The following ZNF536 variants were observed in gnomAD, a reference collection of about 807,000 sequenced individuals.
The protein encoded by ZNF536 is zinc finger protein 536.
In ZNF536, 13 loss-of-function variants were observed where a neutral mutation model predicts 84.5. That is an observed-to-expected ratio of 0.15 (90% CI 0.10 to 0.24). The LOEUF (loss-of-function observed/expected upper bound fraction) is 0.24, where lower values mean the gene tolerates loss of function less well. ZNF536 is among the 10% of genes least tolerant of loss of function. The probability of loss-of-function intolerance (pLI) is 1.00; values close to 1 mark genes in which losing one functional copy is unlikely to be tolerated. For missense variants in ZNF536, 1,536 were observed against 1,747.5 expected (o/e 0.88, Z 2.16); for synonymous variants, 811 against 742.5 (o/e 1.09, Z -1.50).
At chr19:30,334,192 T>C (rs2047306007) in intron 2 of ZNF536, among the ~76,000 whole-genome samples, 1 of 152,240 alleles carries the variant, frequency 6.6e-6, no homozygotes, top group Non-Finnish European at 1.5e-5. Flanking sequence ...TAGAACATTC[T>C]CTTTCCTGCA....
At position 30,445,271 on chromosome 19, in the gene ZNF536, G is replaced by A. The variant is rs201947801; in HGVS notation, c.1709G>A (p.Gly570Glu). Residue 570 changes from glycine (G) to glutamate (E), a missense_variant, in exon 2 of 5, where the codon GGA becomes GAA. Gly to Glu is a moderately conservative substitution (Grantham distance 98, BLOSUM62 -2). This residue lies in a region of ZNF536 where 366 missense variants were observed against 364.4 expected (regional missense o/e 1.00). Transcript: ENST00000355537. This position sits in a 1 kb window ranked among gnomAD's most constrained non-coding sequence, Gnocchi z 4.5. ...GAGAAGCGGGAGTACGTGTTAGTGG[G>A]AGCAGATGGCTCCAAGCAGAAAATG... is the stretch of plus-strand genomic sequence containing the variant. ...DKEKREYVLVGADGSKQKMPA... is the reference protein window; with the variant it reads ...DKEKREYVLVEADGSKQKMPA... 1.2e-6 allele frequency: 2 copies of A among 1,614,202 alleles called. No individual in the cohort carries two copies. The highest frequency in any genetic ancestry group is 1.3e-5 in the African/African-American group (1 of 75,048).
intron 1 of ZNF536, among the ~76,000 whole-genome samples, chr19:30,377,977 T>C (rs758998006): frequency 1.5e-4 from 23 of 152,168 alleles, no homozygotes; most frequent in Admixed American, 1.2e-3. Context: ...CTCCAGCTGC[T>C]GGGAGTCTAA....
At chr19:30,451,605 A>G (rs1568445468) in intron 2 of ZNF536, among the ~76,000 whole-genome samples, 1 of 152,176 alleles carries the variant, frequency 6.6e-6, no homozygotes, top group Admixed American at 6.5e-5. Flanking sequence ...GTGTGGCATA[A>G]AATTGCAGAG....
chr19:30,252,083 C>T (rs936811161), intron 1 of ZNF536, among the ~76,000 whole-genome samples: 1 of 152,198 alleles, frequency 6.6e-6, no homozygotes, highest in East Asian at 1.9e-4. Context: ...ACAATGAACT[C>T]AAACAAATTA....
At chr19:30,671,024 A>G (rs1162810774) in intron 1 of ZNF536, among the ~76,000 whole-genome samples, 1 of 150,958 alleles carries the variant, frequency 6.6e-6, no homozygotes. Flanking sequence ...TCTCTTTCTC[A>G]TTCAATCATT....
intron 1 of ZNF536, among the ~76,000 whole-genome samples, chr19:30,373,471 C>T (rs1009808865): frequency 6.6e-5 from 10 of 151,728 alleles, no homozygotes; most frequent in African/African-American, 2.4e-4. Flanking sequence ...AAATAAAATG[C>T]AGCCTGTCAA....
chr19:30,258,289 C>T (rs539506247), intron 1 of ZNF536, among the ~76,000 whole-genome samples: 1 of 152,194 alleles, frequency 6.6e-6, no homozygotes, highest in South Asian at 2.1e-4. Context: ...GACACTAAAG[C>T]TGAAACTAGC....
chr19:30,658,033 T>A (rs1568643822), intron 1 of ZNF536, among the ~76,000 whole-genome samples: 1 of 150,454 alleles, frequency 6.6e-6, no homozygotes, highest in Non-Finnish European at 1.5e-5. Context: ...CCCCCCTTTT[T>A]TTTCCTTCAG....
At chr19:30,592,614 T>A (rs2047313923) in intron 1 of ZNF536, among the ~76,000 whole-genome samples, 1 of 152,116 alleles carries the variant, frequency 6.6e-6, no homozygotes, top group South Asian at 2.1e-4. Flanking sequence ...CATTCCATAA[T>A]GGATTTTCAT....
intron 1 of ZNF536, among the ~76,000 whole-genome samples, chr19:30,236,429 G>GC (rs561935843): frequency 1.7e-4 from 26 of 149,644 alleles, no homozygotes; most frequent in East Asian, 1.6e-3. Flanking sequence ...TTTTGTTTCA[G>GC]CCCCCCCACC....
chr19:30,687,546 CTTA>C (rs950154863), intron 1 of ZNF536, among the ~76,000 whole-genome samples: 14 of 152,204 alleles, frequency 9.2e-5, no homozygotes, highest in Non-Finnish European at 1.3e-4. Context: ...GGCTAAATCT[CTTA>C]TTATAAATAA....
intron 1 of ZNF536, among the ~76,000 whole-genome samples, chr19:30,411,760 A>G (rs936742239): frequency 6.6e-6 from 1 of 152,076 alleles, no homozygotes; most frequent in Non-Finnish European, 1.5e-5. Flanking sequence ...CTTTCTTAAA[A>G]CTTGCTTGGC....
chr19:30,435,595 G>A (rs981727019), intron 1 of ZNF536, among the ~76,000 whole-genome samples: 4 of 151,924 alleles, frequency 2.6e-5, no homozygotes, highest in Admixed American at 1.3e-4. Context: ...GATGATGATG[G>A]TGATGATGGT....
chr19:30,656,447 C>T (rs2049918220), intron 1 of ZNF536, among the ~76,000 whole-genome samples: 1 of 152,188 alleles, frequency 6.6e-6, no homozygotes, highest in Non-Finnish European at 1.5e-5. Flanking sequence ...GAGCACGTTG[C>T]ACCATCTCTA....
chr19:30,379,716 A>C (rs1242589200), intron 1 of ZNF536, among the ~76,000 whole-genome samples: 1 of 151,688 alleles, frequency 6.6e-6, no homozygotes, highest in Admixed American at 6.6e-5. Context: ...GGGTGGATGA[A>C]GGGAAGAGAT....
At chr19:30,607,141 C>T (rs998968114) in intron 1 of ZNF536, among the ~76,000 whole-genome samples, 3 of 152,170 alleles carry the variant, frequency 2.0e-5, no homozygotes, top group South Asian at 2.1e-4. Flanking sequence ...ACCTCTTCGA[C>T]GTAGATTTTT....
chr19:30,504,549 C>G (rs1313104589), intron 2 of ZNF536, among the ~76,000 whole-genome samples: 8 of 128,894 alleles, frequency 6.2e-5, no homozygotes, highest in Non-Finnish European at 1.3e-4. Context: ...ACTCATCCTC[C>G]CACCCTTCCT....
chr19:30,685,001 C>T (rs796740711), intron 1 of ZNF536, among the ~76,000 whole-genome samples: 25 of 152,316 alleles, frequency 1.6e-4, no homozygotes, highest in African/African-American at 4.3e-4. Context: ...ACTCAGGCCA[C>T]GCAAGTGAAT....
intron 1 of ZNF536, among the ~76,000 whole-genome samples, chr19:30,709,776 C>T (rs58370794): frequency 6.6e-6 from 1 of 152,200 alleles, no homozygotes; most frequent in East Asian, 1.9e-4. Context: ...AGGCATGTCC[C>T]TGGCTAATTT....
Sources: gnomAD v4.1 joint callset for allele counts (sites outside exome capture counted in the v4.1 genomes callset) on GRCh38, gnomAD v4.1.1 for gene constraint, gnomAD v4.1.1 regional missense constraint, Gnocchi (gnomAD v3.1) non-coding constraint, MANE v1.5 for transcripts, NCBI Gene and HGNC (gene_info 2026-07-23, HGNC 2026-07-21) for gene names.